Variants in RRP15 observed in about 807,000 individuals in gnomAD.
The protein encoded by RRP15 is ribosomal RNA processing 15 homolog, also known as RRP15-like protein.
Under a neutral mutation model 27.1 loss-of-function variants are expected in RRP15, and 18 were observed. The observed-to-expected ratio is 0.66, with a 90% confidence interval of 0.46 to 0.98. RRP15 has a LOEUF of 0.98. RRP15 is among the 50% of genes least tolerant of loss of function. RRP15 has a pLI of 0.00. For missense variants in RRP15, 359 were observed against 337.8 expected (o/e 1.06, Z -0.49); for synonymous variants, 107 against 109.4 (o/e 0.98, Z 0.14).
chr1:218,294,991 G>A (rs1182195701), intron 1 of RRP15, among the ~76,000 whole-genome samples: 1 of 152,162 alleles, frequency 6.6e-6, no homozygotes, highest in East Asian at 1.9e-4. Context: ...TGTTATAGAG[G>A]GGAAGGTGAT....
chr1:218,321,693 A>C (rs1023413139), intron 4 of RRP15, among the ~76,000 whole-genome samples: 26 of 152,118 alleles, frequency 1.7e-4, no homozygotes, highest in African/African-American at 5.5e-4. Flanking sequence ...GAATATACCA[A>C]ATTGCTACTT....
At chr1:218,314,496 G>A (rs1656049959) in intron 4 of RRP15, among the ~76,000 whole-genome samples, 1 of 152,168 alleles carries the variant, frequency 6.6e-6, no homozygotes, top group Non-Finnish European at 1.5e-5. Flanking sequence ...CGGATGTGAT[G>A]TTAAATCTGT....
chr1:218,324,585 C>T (rs924702092), intron 4 of RRP15, among the ~76,000 whole-genome samples: 1 of 152,266 alleles, frequency 6.6e-6, no homozygotes, highest in Non-Finnish European at 1.5e-5. Flanking sequence ...CCACTGCCAT[C>T]ACTAACTCAT....
intron 4 of RRP15, among the ~76,000 whole-genome samples, chr1:218,308,196 T>C (rs1247720317): frequency 2.0e-5 from 3 of 149,108 alleles, no homozygotes; most frequent in African/African-American, 4.9e-5. Flanking sequence ...CTCAGCCTCC[T>C]GAGTAGCCAG....
At chr1:218,291,411 C>T (rs1655637628) in intron 1 of RRP15, among the ~76,000 whole-genome samples, 1 of 151,008 alleles carries the variant, frequency 6.6e-6, no homozygotes, top group African/African-American at 2.4e-5. Context: ...TGCCACTGCA[C>T]TCCAGCCTGG....
chr1:218,328,366 G>A (rs988990019), intron 4 of RRP15, among the ~76,000 whole-genome samples: 3 of 152,098 alleles, frequency 2.0e-5, no homozygotes, highest in Admixed American at 6.5e-5. Context: ...TGAAATACAC[G>A]TTTAAAGTTT....
chr1:218,289,896 G>T (rs1655607805), intron 1 of RRP15, among the ~76,000 whole-genome samples: 1 of 152,118 alleles, frequency 6.6e-6, no homozygotes. Context: ...TGGTCAGGCT[G>T]GTCTTGAACT....
intron 1 of RRP15, among the ~76,000 whole-genome samples, chr1:218,297,926 A>G (rs950175478): frequency 4.5e-4 from 68 of 152,146 alleles, no homozygotes; most frequent in African/African-American, 1.6e-3. Context: ...CTTTTATGAA[A>G]TCCCAAACTT....
intron 4 of RRP15, among the ~76,000 whole-genome samples, chr1:218,326,141 C>T (rs1414445525): frequency 6.6e-6 from 1 of 152,104 alleles, no homozygotes; most frequent in African/African-American, 2.4e-5. Flanking sequence ...CCCATCTTTA[C>T]TAAAAATACA....
At chr1:218,314,967 G>A (rs988000270) in intron 4 of RRP15, among the ~76,000 whole-genome samples, 13 of 148,656 alleles carry the variant, frequency 8.7e-5, no homozygotes, top group South Asian at 2.2e-4. Flanking sequence ...ACTCCAGCCT[G>A]GTGACAGAGA....
In RRP15 at chr1:218,305,126, G is replaced by C. The variant is rs773413123; in HGVS notation, c.503+1G>C. On this transcript the variant is annotated splice_donor_variant, in intron 3 of 4. Coordinates refer to ENST00000366932, the MANE Select transcript of RRP15 (RefSeq NM_016052.4). LOFTEE classifies it high-confidence loss of function. ...GAAATCTTCAGAGAATTGCAACAAG[G>C]TAAGGTAGTGTTTTTGCCCTTTAAA... 4 of 1,606,940 alleles carry C rather than the reference G, an allele frequency of 2.5e-6. No homozygotes were observed. Among genetic ancestry groups the C allele is most frequent in the Non-Finnish European group, 3.4e-6 (4 of 1,174,040 alleles).
At position 218,331,902 on chromosome 1, in the gene RRP15, TCTC is replaced by T; in HGVS notation, c.*814_*816del. On this transcript the variant is annotated 3_prime_UTR_variant, in exon 5 of 5. Coordinates refer to ENST00000366932, the MANE Select transcript of RRP15 (RefSeq NM_016052.4). Reference sequence around the variant, plus strand: ...ACCATGTTAGCCAGGATGGTCTCAATCTCCTGACCTCGTGATCCACCCGCCTCG... The same window carrying T: ...ACCATGTTAGCCAGGATGGTCTCAATCTGACCTCGTGATCCACCCGCCTCG... 1 of 151,956 alleles carries T rather than the reference TCTC, an allele frequency of 6.6e-6. No individual in the cohort carries two copies. 9.4% of individuals were successfully genotyped at this position (151,956 alleles called of 1,614,324 possible). A position where few individuals can be genotyped will look rare whatever the true frequency, so the allele number is the denominator to read the frequency against.
intron 4 of RRP15, among the ~76,000 whole-genome samples, chr1:218,318,704 T>C (rs12091268): frequency 0.028 from 4,258 of 152,200 alleles, 198 homozygotes; most frequent in African/African-American, 0.096. Context: ...TTCGTGCTAG[T>C]GATGCCAGTT....
Position 218,328,724 on chromosome 1 carries a change from G to A in RRP15, c.706-2224G>A, listed in dbSNP as rs184490590. Among the ~76,000 whole-genome samples, 155 of 152,094 alleles carry A rather than the reference G, an allele frequency of 1.0e-3. 1 individual carries two copies. Among genetic ancestry groups the A allele is most frequent in the Admixed American group, 4.5e-3 (69 of 15,284 alleles). The stretch of plus-strand genomic sequence containing the variant: ...TCTTCTTCGTTCTTCTGTTGCCTGC[G>A]GGTTTTCTGATGCTACCTAGGAGAG... On this transcript the variant is annotated intron_variant, in intron 4 of 4. Transcript: ENST00000366932.
intron 1 of RRP15, among the ~76,000 whole-genome samples, chr1:218,298,495 G>A (rs1464441316): frequency 3.3e-5 from 5 of 152,254 alleles, no homozygotes; most frequent in East Asian, 3.9e-4. Flanking sequence ...GAGGGACTGT[G>A]AGCCTTCTTA....
At chr1:218,288,018 A>G (rs965619311) in intron 1 of RRP15, among the ~76,000 whole-genome samples, 2 of 152,212 alleles carry the variant, frequency 1.3e-5, no homozygotes, top group African/African-American at 4.8e-5. Context: ...ATCTTCTGTT[A>G]TGGCTCCAGC....
intron 1 of RRP15, among the ~76,000 whole-genome samples, chr1:218,299,072 A>C (rs1655768285): frequency 6.6e-6 from 1 of 151,190 alleles, no homozygotes; most frequent in African/African-American, 2.5e-5. Flanking sequence ...TTTGATTAGG[A>C]TATAATAATA....
At chr1:218,307,125 A>G (rs1039198852) in intron 3 of RRP15, among the ~76,000 whole-genome samples, 12 of 152,220 alleles carry the variant, frequency 7.9e-5, no homozygotes, top group African/African-American at 2.9e-4. Flanking sequence ...CTACTGAGGC[A>G]TTATTTTTCC....
In RRP15 at chr1:218,335,178, A is replaced by AT. The variant is rs1656430204; in HGVS notation, c.*4093dup. On this transcript the variant is annotated 3_prime_UTR_variant, in exon 5 of 5. Coordinates refer to ENST00000366932, the MANE Select transcript of RRP15 (RefSeq NM_016052.4). ...TTCTAGCTTAGAGAGCAATATTAAT[A>AT]TTTTTTACCTAGTCTACTGAACATA... 6.6e-6 allele frequency: 1 copy of AT among 152,180 alleles called. No individual in the cohort carries two copies. Among genetic ancestry groups the AT allele is most frequent in the Admixed American group, 6.5e-5 (1 of 15,274 alleles). The allele number at this position is 152,180 out of a possible 1,614,324, so 9.4% of individuals were successfully genotyped here.
Sources: gnomAD v4.1 joint callset for allele counts (sites outside exome capture counted in the v4.1 genomes callset) on GRCh38, gnomAD v4.1.1 for gene constraint, MANE v1.5 for transcripts, NCBI Gene and HGNC (gene_info 2026-07-23, HGNC 2026-07-21) for gene names.